L3MBTL4: variants seen among roughly 807,000 people sequenced by gnomAD.
The protein encoded by L3MBTL4 is lethal(3)malignant brain tumor-like protein 4.
Under a neutral mutation model 84.5 loss-of-function variants are expected in L3MBTL4, and 70 were observed. The ratio of observed to expected loss-of-function variants is 0.83; its 90% CI spans 0.68 to 1.01. L3MBTL4 has a LOEUF of 1.01. L3MBTL4 is among the 50% of genes least tolerant of loss of function. The probability of loss-of-function intolerance (pLI) is 0.00; values close to 1 mark genes in which losing one functional copy is unlikely to be tolerated. For missense variants in L3MBTL4, 715 were observed against 754.8 expected, an observed-to-expected ratio of 0.95 and a Z score of 0.62; for synonymous variants, 274 against 259.8, an observed-to-expected ratio of 1.05 and a Z score of -0.52.
intron 5 of L3MBTL4, among the ~76,000 whole-genome samples, chr18:6,247,466 ATT>A (rs71163266): frequency 4.2e-4 from 21 of 49,638 alleles, no homozygotes; most frequent in African/African-American, 6.2e-4. Context: ...CCCTCCTCTG[ATT>A]TTTTTTTTTT....
chr18:6,126,769 T>C (rs759097234), intron 14 of L3MBTL4, among the ~76,000 whole-genome samples: 1 of 152,262 alleles, frequency 6.6e-6, no homozygotes, highest in Non-Finnish European at 1.5e-5. Context: ...TTTGTTACAT[T>C]ATCAATGCTT....
intron 4 of L3MBTL4, among the ~76,000 whole-genome samples, chr18:6,282,814 G>A (rs66593670): frequency 0.18 from 26,807 of 152,040 alleles, 2,402 homozygotes; most frequent in East Asian, 0.23. Context: ...CAAGCACGGG[G>A]TGACAGCTTG....
chr18:6,263,432 G>C (rs983981029), intron 5 of L3MBTL4, among the ~76,000 whole-genome samples: 1 of 152,088 alleles, frequency 6.6e-6, no homozygotes, highest in South Asian at 2.1e-4. Flanking sequence ...AGATGGTCAA[G>C]GAAGTCTACA....
At chr18:6,042,490 A>G (rs1421535296) in intron 16 of L3MBTL4, among the ~76,000 whole-genome samples, 1 of 152,040 alleles carries the variant, frequency 6.6e-6, no homozygotes, top group Non-Finnish European at 1.5e-5. Flanking sequence ...TCAATCACTC[A>G]ATCTGACCCA....
intron 1 of L3MBTL4, among the ~76,000 whole-genome samples, chr18:6,360,494 A>G (rs575467834): frequency 3.9e-5 from 6 of 152,336 alleles, no homozygotes; most frequent in South Asian, 4.1e-4. Context: ...AAACTTTACA[A>G]AAGCTAATTA....
chr18:6,213,161 G>A lies in L3MBTL4; in HGVS notation c.969C>T (p.Asp323=). The part of the protein sequence containing the change: ...IRVATIVDVD[D]QRVKVHFDGW... ...TTAAAATATGTACCTTTACTCTTTGGTCATCAACATCTACAATCGTAGCAA... is the reference window on the plus strand; with the variant it reads ...TTAAAATATGTACCTTTACTCTTTGATCATCAACATCTACAATCGTAGCAA... Residue 323 remains aspartate, a synonymous_variant, in exon 12 of 19, where the codon GAC becomes GAT. Coordinates refer to ENST00000317931, the MANE Select transcript of L3MBTL4 (RefSeq NM_001330559.2). 1 of 1,574,000 alleles carries A rather than the reference G, an allele frequency of 6.4e-7. No individual in the cohort carries two copies. The highest frequency in any genetic ancestry group is 8.7e-7 in the Non-Finnish European group (1 of 1,154,780).
chr18:6,107,979 C>T (rs1378957495), intron 14 of L3MBTL4, among the ~76,000 whole-genome samples: 4 of 152,146 alleles, frequency 2.6e-5, no homozygotes, highest in Non-Finnish European at 5.9e-5. Context: ...TTGAGCTCCC[C>T]CAAAAATCGC....
At chr18:6,009,371 G>A (rs2054631485) in intron 16 of L3MBTL4, among the ~76,000 whole-genome samples, 1 of 152,158 alleles carries the variant, frequency 6.6e-6, no homozygotes, top group East Asian at 1.9e-4. Flanking sequence ...GAGGGTCTGG[G>A]TCCAGGCTGC....
intron 1 of L3MBTL4, among the ~76,000 whole-genome samples, chr18:6,368,405 A>G (rs1343206330): frequency 6.6e-6 from 1 of 152,096 alleles, no homozygotes; most frequent in Admixed American, 6.5e-5. Context: ...TACCCATTGG[A>G]TTATCTACTT....
intron 1 of L3MBTL4, among the ~76,000 whole-genome samples, chr18:6,364,830 G>A (rs1009007400): frequency 6.6e-6 from 1 of 151,736 alleles, no homozygotes; most frequent in Non-Finnish European, 1.5e-5. Flanking sequence ...TTAACATCTA[G>A]GCAATTTAGG....
At chr18:6,346,996 T>C (rs1469451852) in intron 1 of L3MBTL4, among the ~76,000 whole-genome samples, 1 of 152,086 alleles carries the variant, frequency 6.6e-6, no homozygotes, top group Non-Finnish European at 1.5e-5. Context: ...TACTCAGCCT[T>C]TAAAAAGAAG....
At chr18:6,335,307 T>A (rs1026086679) in intron 1 of L3MBTL4, among the ~76,000 whole-genome samples, 6 of 152,024 alleles carry the variant, frequency 3.9e-5, no homozygotes, top group African/African-American at 1.4e-4. Flanking sequence ...GCCAGGCTGG[T>A]CTCAAATACC....
chr18:6,135,426 G>A (rs185809759), intron 14 of L3MBTL4, among the ~76,000 whole-genome samples: 5 of 152,238 alleles, frequency 3.3e-5, no homozygotes, highest in Admixed American at 2.0e-4. Flanking sequence ...TGCATCATCA[G>A]GCTGCAAATT....
At chr18:6,179,092 G>T (rs1490361275) in intron 12 of L3MBTL4, among the ~76,000 whole-genome samples, 3 of 152,176 alleles carry the variant, frequency 2.0e-5, no homozygotes, top group African/African-American at 4.8e-5. Flanking sequence ...GGGCTAAATT[G>T]AATGCTCAGT....
At chr18:6,209,382 A>T (rs1255419920) in intron 12 of L3MBTL4, among the ~76,000 whole-genome samples, 1 of 151,724 alleles carries the variant, frequency 6.6e-6, no homozygotes, top group Non-Finnish European at 1.5e-5. Context: ...ATTACTGAGC[A>T]CATATAAATA....
At chr18:5,988,545 C>T (rs754851556) in intron 16 of L3MBTL4, among the ~76,000 whole-genome samples, 3 of 152,138 alleles carry the variant, frequency 2.0e-5, no homozygotes, top group Admixed American at 6.5e-5. Context: ...GCTTAGCTAA[C>T]TCTTTTTTTC....
chr18:6,356,275 C>A (rs991390875), intron 1 of L3MBTL4, among the ~76,000 whole-genome samples: 3 of 152,222 alleles, frequency 2.0e-5, no homozygotes, highest in African/African-American at 7.2e-5. Context: ...TCATGGAGAA[C>A]CCACAGGCCA....
At chr18:6,064,407 A>G (rs919293341) in intron 16 of L3MBTL4, among the ~76,000 whole-genome samples, 2 of 152,068 alleles carry the variant, frequency 1.3e-5, no homozygotes, top group Non-Finnish European at 2.9e-5. Flanking sequence ...TGATGATGGT[A>G]TTTTGATGGG....
chr18:6,054,566 C>A (rs1411520249), intron 16 of L3MBTL4, among the ~76,000 whole-genome samples: 2 of 152,172 alleles, frequency 1.3e-5, no homozygotes, highest in African/African-American at 4.8e-5. Context: ...ACACTTCATT[C>A]CCCTCATCCT....
Sources: allele counts gnomAD v4.1 joint callset (sites outside exome capture counted in the v4.1 genomes callset), GRCh38; gene constraint gnomAD v4.1.1; transcripts MANE v1.5; gene names NCBI Gene and HGNC (gene_info 2026-07-23, HGNC 2026-07-21).